The following RFFL variants were observed in gnomAD, a reference collection of about 807,000 sequenced individuals.
RFFL encodes the protein ring finger and FYVE like domain containing E3 ubiquitin protein ligase, also known as E3 ubiquitin-protein ligase rififylin.
RFFL carries 16 observed loss-of-function variants against 40.4 expected under a neutral mutation model. The observed-to-expected ratio is 0.40, with a 90% CI of 0.27 to 0.60. RFFL has a LOEUF of 0.60. RFFL is among the 20% of genes least tolerant of loss of function. The pLI, the probability that RFFL is intolerant of heterozygous loss-of-function variation, is 0.47. For synonymous variants in RFFL, 154 were observed against 167.9 expected (o/e 0.92, Z 0.64); for missense variants, 367 against 451.7 (o/e 0.81, Z 1.70).
intron 1 of RFFL, among the ~76,000 whole-genome samples, chr17:35,032,965 G>A (rs1182795588): frequency 6.6e-6 from 1 of 152,072 alleles, no homozygotes. Flanking sequence ...TGCCTAAGCA[G>A]TTTAGGAAGA....
chr17:35,029,941 G>C (rs1431334020), intron 1 of RFFL, among the ~76,000 whole-genome samples: 3 of 144,058 alleles, frequency 2.1e-5, no homozygotes, highest in African/African-American at 7.7e-5. Flanking sequence ...AACATGCGGT[G>C]TTTGGTTTTT....
intron 1 of RFFL, among the ~76,000 whole-genome samples, chr17:35,072,586 T>C (rs536604821): frequency 4.3e-5 from 6 of 139,906 alleles, no homozygotes; most frequent in South Asian, 4.5e-4. Flanking sequence ...CACACACACA[T>C]GCACACACAC....
upstream of RFFL, among the ~76,000 whole-genome samples, chr17:35,066,771 G>A (rs1439724662): frequency 6.6e-6 from 1 of 151,928 alleles, no homozygotes; most frequent in East Asian, 1.9e-4. Flanking sequence ...AGAAGTCGGT[G>A]AATGGATAAA....
intron 1 of RFFL, among the ~76,000 whole-genome samples, chr17:35,040,491 C>T (rs1256774776): frequency 6.6e-6 from 1 of 151,540 alleles, no homozygotes; most frequent in East Asian, 1.9e-4. Flanking sequence ...TAGTCCCAGC[C>T]ACTTGGGAGG....
chr17:35,079,530 T>C (rs543913764), intron 1 of RFFL, among the ~76,000 whole-genome samples: 2 of 152,352 alleles, frequency 1.3e-5, no homozygotes, highest in South Asian at 4.1e-4. Context: ...GAGGATTTTA[T>C]CAAGTAAATG....
At chr17:35,082,940 C>A (rs1453270609) in intron 1 of RFFL, among the ~76,000 whole-genome samples, 1 of 152,132 alleles carries the variant, frequency 6.6e-6, no homozygotes, top group Non-Finnish European at 1.5e-5. Context: ...TTAGGGATAA[C>A]GTATCTAGTG....
At chr17:35,017,188 ATGGCTACAG>A (rs1390713570) in intron 4 of RFFL, among the ~76,000 whole-genome samples, 1 of 151,958 alleles carries the variant, frequency 6.6e-6, no homozygotes, top group African/African-American at 2.4e-5. Context: ...TCCCTTGACA[ATGGCTACAG>A]TGTGCTAGAA....
intron 1 of RFFL, chr17:35,036,547 G>A (rs1232632111): frequency 6.6e-6 from 1 of 152,156 alleles, no homozygotes; most frequent in African/African-American, 2.4e-5. Flanking sequence ...GGAGATGTAG[G>A]GCCAGTAGTG....
intron 1 of RFFL, among the ~76,000 whole-genome samples, chr17:35,075,986 C>CTTTTT (rs35996071): frequency 7.6e-4 from 61 of 80,002 alleles, no homozygotes; most frequent in African/African-American, 9.4e-4. Flanking sequence ...TCAATTTATT[C>CTTTTT]TTTTTTTTTT....
intron 1 of RFFL, among the ~76,000 whole-genome samples, chr17:35,072,058 A>C (rs1725327008): frequency 6.6e-6 from 1 of 152,018 alleles, no homozygotes; most frequent in Non-Finnish European, 1.5e-5. Context: ...AGGCGGACAA[A>C]TCGCTTGAGC....
At chr17:35,073,156 T>C (rs1447617490) in intron 1 of RFFL, among the ~76,000 whole-genome samples, 1 of 152,210 alleles carries the variant, frequency 6.6e-6, no homozygotes, top group African/African-American at 2.4e-5. Flanking sequence ...CAGTCTCTAC[T>C]ATGCAGGAGA....
Position 35,007,397 on chromosome 17 carries a change from TCAA to T in RFFL, c.*4568_*4570del, listed in dbSNP as rs1369793406. 6.6e-6 allele frequency: 1 copy of T among 152,240 alleles called. No individual in the cohort carries two copies. The highest frequency in any genetic ancestry group is 1.5e-5 in the Non-Finnish European group (1 of 68,058). 9.4% of individuals were successfully genotyped at this position (152,240 alleles called of 1,614,324 possible). Reference sequence around the variant, plus strand: ...TCTTTCATGTATTTCAATGCAGCCCTCAACATCATCATCATAAATCTCTCCAGC... The same window carrying T: ...TCTTTCATGTATTTCAATGCAGCCCTCATCATCATCATAAATCTCTCCAGC... On this transcript the variant is annotated 3_prime_UTR_variant, in exon 7 of 7. Transcript: ENST00000394597.
intron 6 of RFFL, among the ~76,000 whole-genome samples, chr17:35,013,558 C>CT (rs1274227219): frequency 2.0e-5 from 3 of 152,204 alleles, no homozygotes; most frequent in Non-Finnish European, 4.4e-5. Flanking sequence ...TATACTTTCT[C>CT]TTTTCTGGAC....
At chr17:35,080,535 A>G (rs2091398681) in intron 1 of RFFL, among the ~76,000 whole-genome samples, 1 of 152,210 alleles carries the variant, frequency 6.6e-6, no homozygotes, top group Admixed American at 6.6e-5. Flanking sequence ...GTGGGAGAGG[A>G]GGATGCACGA....
chr17:35,043,350 G>C (rs1352107171), intron 1 of RFFL, among the ~76,000 whole-genome samples: 1 of 152,136 alleles, frequency 6.6e-6, no homozygotes, highest in Non-Finnish European at 1.5e-5. Flanking sequence ...AGTATAAAGG[G>C]GGATCATAAC....
intron 1 of RFFL, among the ~76,000 whole-genome samples, chr17:35,086,600 A>G (rs1442618268): frequency 1.3e-5 from 2 of 152,260 alleles, no homozygotes; most frequent in Non-Finnish European, 2.9e-5. Context: ...TCATTAAACC[A>G]GTAACCATTA....
At chr17:35,021,834 G>A (rs1214865297) in intron 2 of RFFL, 53 bp from the exon 3 acceptor site, 2 of 1,585,412 alleles carry the variant, frequency 1.3e-6, no homozygotes, top group Non-Finnish European at 1.7e-6. Flanking sequence ...GAACAAGACA[G>A]AGAGTGCGAT....
chr17:35,070,027 A>G (rs1222119493), intron 1 of RFFL, among the ~76,000 whole-genome samples: 1 of 152,150 alleles, frequency 6.6e-6, no homozygotes, highest in African/African-American at 2.4e-5. Flanking sequence ...ACACATACAT[A>G]TATATACATA....
intron 1 of RFFL, among the ~76,000 whole-genome samples, chr17:35,033,385 G>A (rs186530981): frequency 8.0e-4 from 122 of 151,804 alleles, no homozygotes; most frequent in Non-Finnish European, 1.3e-3. Context: ...AAAATTACCC[G>A]GGTATGGTAG....
Sources: allele counts gnomAD v4.1 joint callset (sites outside exome capture counted in the v4.1 genomes callset), GRCh38; gene constraint gnomAD v4.1.1; transcripts MANE v1.5; gene names NCBI Gene and HGNC (gene_info 2026-07-23, HGNC 2026-07-21).